Variants in HTR2C observed in about 807,000 individuals in gnomAD.
HTR2C encodes 5-hydroxytryptamine receptor 2C.
HTR2C carries 5 observed loss-of-function variants against 21.0 expected under a neutral mutation model. The observed-to-expected ratio is 0.24, with a 90% confidence interval of 0.12 to 0.50. The LOEUF (loss-of-function observed/expected upper bound fraction) is 0.50, where lower values mean the gene tolerates loss of function less well. Ranked by LOEUF, HTR2C falls within the 20% of genes least tolerant of loss-of-function variation. The pLI, the probability that HTR2C is intolerant of heterozygous loss-of-function variation, is 0.98. For missense variants in HTR2C, 271 were observed against 371.2 expected, an observed-to-expected ratio of 0.73 and a Z score of 2.22; for synonymous variants, 150 against 145.3, an observed-to-expected ratio of 1.03 and a Z score of -0.23.
At chrX:114,626,470 T>G (rs1241402840) in intron 2 of HTR2C, among the ~76,000 whole-genome samples, 3 of 111,519 alleles carry the variant, frequency 2.7e-5, no homozygotes, top group Admixed American at 1.9e-4. Context: ...TTTGTGCTAA[T>G]TATTATACCT....
chrX:114,641,613 T>C (rs1930127120), intron 2 of HTR2C, among the ~76,000 whole-genome samples: 2 of 112,150 alleles, frequency 1.8e-5, no homozygotes, highest in African/African-American at 6.5e-5. Flanking sequence ...TTTCAACACT[T>C]GCTTTCAACA....
chrX:114,718,658 A>G (rs2147327971), intron 2 of HTR2C, among the ~76,000 whole-genome samples: 1 of 110,776 alleles, frequency 9.0e-6, no homozygotes, highest in Non-Finnish European at 1.9e-5. Flanking sequence ...GCTTTAGAGA[A>G]GGCATGAAAA....
intron 2 of HTR2C, among the ~76,000 whole-genome samples, chrX:114,687,959 G>A (rs1049326896): frequency 4.5e-5 from 5 of 111,521 alleles, no homozygotes; most frequent in South Asian, 3.7e-4. Context: ...GTTATCCAAC[G>A]TCTCAGAGGA....
At chrX:114,701,225 A>C (rs782001566) in intron 2 of HTR2C, among the ~76,000 whole-genome samples, 158 of 112,096 alleles carry the variant, frequency 1.4e-3, no homozygotes, top group African/African-American at 5.0e-3. Context: ...CCCAGCACGC[A>C]GCTGGAGATC....
intron 4 of HTR2C, among the ~76,000 whole-genome samples, chrX:114,746,799 C>T (rs2069709326): frequency 9.0e-6 from 1 of 110,874 alleles, no homozygotes; most frequent in African/African-American, 3.3e-5. Context: ...TCCAGGCTAA[C>T]ACGGTGAAAC....
intron 4 of HTR2C, among the ~76,000 whole-genome samples, chrX:114,844,863 C>T (rs1283055230): frequency 1.8e-5 from 2 of 110,929 alleles, no homozygotes; most frequent in Non-Finnish European, 3.8e-5. Context: ...AACAATTATA[C>T]GAAGTGAAAA....
intron 5 of HTR2C, among the ~76,000 whole-genome samples, chrX:114,895,712 G>A (rs2071291150): frequency 9.0e-6 from 1 of 111,488 alleles, no homozygotes; most frequent in African/African-American, 3.3e-5. Flanking sequence ...TCCAGGCTGG[G>A]TGTGGTGGCT....
intron 2 of HTR2C, among the ~76,000 whole-genome samples, chrX:114,621,400 A>G (rs782302873): frequency 8.9e-5 from 10 of 112,401 alleles, no homozygotes; most frequent in Non-Finnish European, 1.1e-4. Context: ...CTGGGTTCCA[A>G]TGAAATTTTA....
rs782762018 is a variant in HTR2C, at chrX:114,726,963, T to C, written c.27T>C (p.His9=). The part of the protein sequence containing the change: MVNLRNAV[H]SFLVHLIGLL... ...TGGTGAACCTGAGGAATGCGGTGCA[T>C]TCATTCCTGTAAGGATGTTACTACT... Residue 9 remains histidine, a synonymous_variant, in exon 3 of 6, where the codon CAT becomes CAC. Coordinates refer to ENST00000276198, the MANE Select transcript of HTR2C (RefSeq NM_000868.4). The C allele has an allele frequency of 9.1e-7, 1 of 1,103,449 alleles. No homozygotes were observed. The highest frequency in any genetic ancestry group is 2.2e-5 in the South Asian group (1 of 45,665). 90.9% of individuals were successfully genotyped at this position (1,103,449 alleles called of 1,213,427 possible).
chrX:114,723,494 G>T (rs1248279586), intron 2 of HTR2C, among the ~76,000 whole-genome samples: 2 of 110,508 alleles, frequency 1.8e-5, no homozygotes, highest in African/African-American at 6.6e-5. Flanking sequence ...TTTTTGAAGG[G>T]TTTTTTGTGT....
In HTR2C at chrX:114,736,365, C is replaced by T. The variant is rs1041769976; in HGVS notation, c.349+4758C>T. Among the ~76,000 whole-genome samples, 11 of 110,252 alleles carry T rather than the reference C, an allele frequency of 1.0e-4. No individual in the cohort carries two copies. The South Asian group carries it at 4.3e-3, about 43-fold the overall frequency. ...AATAAAGGGGTAGGTGAAAGTATAC[C>T]AAGCAAATGGTAACAATAAAGCAGA... On this transcript the variant is annotated intron_variant, in intron 4 of 5. Transcript: ENST00000276198.
intron 4 of HTR2C, among the ~76,000 whole-genome samples, chrX:114,805,554 T>C (rs1478244836): frequency 2.0e-5 from 2 of 100,560 alleles, no homozygotes; most frequent in African/African-American, 7.2e-5. Context: ...TGTATATATA[T>C]ACACACCATA....
Position 114,726,151 on chromosome X carries a change from G to C in HTR2C, c.-79-707G>C, listed in dbSNP as rs781835236. On this transcript the variant is annotated intron_variant, in intron 2 of 5. Transcript: ENST00000276198. ...TTGCAGTTTGATCTCAGACTGCTGT[G>C]CTAGCAATCAGTGAGACTCCGTGGG... Among the ~76,000 whole-genome samples the C allele has an allele frequency of 4.5e-5, 5 of 112,338 alleles. No individual in the cohort carries two copies. The South Asian group carries it at 1.8e-3, about 41-fold the overall frequency.
At chrX:114,869,700 T>C (rs782555344) in intron 5 of HTR2C, among the ~76,000 whole-genome samples, 29 of 112,184 alleles carry the variant, frequency 2.6e-4, no homozygotes, top group Non-Finnish European at 4.1e-4. Context: ...CAGTACTAAG[T>C]TGAATAACAG....
At chrX:114,693,683 ATC>A (rs1932178275) in intron 2 of HTR2C, among the ~76,000 whole-genome samples, 1 of 111,409 alleles carries the variant, frequency 9.0e-6, no homozygotes, top group East Asian at 2.8e-4. Flanking sequence ...ATCTTCAAAT[ATC>A]TCCTCAGGGA....
At chrX:114,784,658 C>A (rs1409884855) in intron 4 of HTR2C, among the ~76,000 whole-genome samples, 1 of 107,006 alleles carries the variant, frequency 9.3e-6, no homozygotes, top group Non-Finnish European at 1.9e-5. Context: ...CTCGCTCTGT[C>A]GCCCAGGGTG....
chrX:114,724,685 T>C (rs1166089525), intron 2 of HTR2C, among the ~76,000 whole-genome samples: 1 of 107,445 alleles, frequency 9.3e-6, no homozygotes, highest in Non-Finnish European at 1.9e-5. Context: ...AGCCCTTCCT[T>C]CAGGAGCTCT....
At chrX:114,898,344 T>A (rs1321536399) in intron 5 of HTR2C, among the ~76,000 whole-genome samples, 1 of 112,363 alleles carries the variant, frequency 8.9e-6, no homozygotes, top group Admixed American at 9.4e-5. Flanking sequence ...ATTTTATAGG[T>A]TGTCTGCTCA....
intron 5 of HTR2C, among the ~76,000 whole-genome samples, chrX:114,862,066 T>C (rs782581528): frequency 6.3e-5 from 7 of 111,292 alleles, no homozygotes; most frequent in Non-Finnish European, 1.3e-4. Context: ...AAGCCTAATG[T>C]ACAAGAGCTT....
Sources: gnomAD v4.1 joint callset for allele counts (sites outside exome capture counted in the v4.1 genomes callset) on GRCh38, gnomAD v4.1.1 for gene constraint, MANE v1.5 for transcripts, NCBI Gene and HGNC (gene_info 2026-07-23, HGNC 2026-07-21) for gene names.